DNAH11: variants seen among roughly 807,000 people sequenced by gnomAD.
DNAH11 encodes axonemal beta dynein heavy chain 11.
DNAH11 carries 442 observed loss-of-function variants against 526.0 expected under a neutral mutation model. The observed-to-expected ratio is 0.84, with a 90% CI of 0.78 to 0.91. The LOEUF (loss-of-function observed/expected upper bound fraction) is 0.91. DNAH11 is among the 40% of genes least tolerant of loss of function. The probability of loss-of-function intolerance (pLI) is 0.00; values close to 1 mark genes in which losing one functional copy is unlikely to be tolerated. For missense variants in DNAH11, 6,989 were observed against 5,448.7 expected (o/e 1.28, Z -8.90); for synonymous variants, 2,461 against 1,935.9 (o/e 1.27, Z -7.12).
At chr7:21,669,667 G>A (rs1341031526) in intron 30 of DNAH11, among the ~76,000 whole-genome samples, 1 of 151,784 alleles carries the variant, frequency 6.6e-6, no homozygotes, top group African/African-American at 2.4e-5. Flanking sequence ...TTGTGTGTGT[G>A]TGTGTGTGTG....
chr7:21,788,888 A>G (rs1390526730), intron 60 of DNAH11, among the ~76,000 whole-genome samples: 3 of 152,226 alleles, frequency 2.0e-5, no homozygotes, highest in Non-Finnish European at 4.4e-5. Flanking sequence ...ATTTTATGCA[A>G]GTACTTGTAA....
intron 70 of DNAH11, 82 bp from the exon 71 acceptor site, chr7:21,866,388 A>G: frequency 1.5e-6 from 2 of 1,355,534 alleles, no homozygotes; most frequent in African/African-American, 1.5e-5. Flanking sequence ...TTTACATAAG[A>G]TTAGATACAT....
intron 24 of DNAH11, 44 bp downstream of exon 24, chr7:21,619,266 G>T: frequency 6.3e-7 from 1 of 1,590,146 alleles, no homozygotes; most frequent in Non-Finnish European, 8.6e-7. Flanking sequence ...GCTAATTTTG[G>T]GTATTTGCAT....
chr7:21,543,506 G>A lies in DNAH11; in HGVS notation c.261G>A (p.Arg87=), dbSNP rs556570369. ...WSQYLESEDN[R]QVLGEFLEST... is the part of the protein sequence containing the mutation. ...AGTATTTGGAAAGCGAGGACAACCG[G>A]CAGGTTCTTGGGGAGTTTCTGGAAA... Residue 87 remains arginine (R), a synonymous_variant, in exon 1 of 82, where the codon CGG becomes CGA. Coordinates refer to ENST00000409508, the MANE Select transcript of DNAH11 (RefSeq NM_001277115.2). 6.2e-7 allele frequency: 1 copy of A among 1,608,670 alleles called. No individual in the cohort carries two copies. The highest frequency in any genetic ancestry group is 1.3e-5 in the African/African-American group (1 of 75,018).
chr7:21,650,643 TA>T (rs777192323), intron 28 of DNAH11, among the ~76,000 whole-genome samples: 60 of 148,994 alleles, frequency 4.0e-4, no homozygotes, highest in African/African-American at 1.3e-3. Flanking sequence ...ATTTTATTAT[TA>T]TTTTTTTCTT....
chr7:21,636,199 C>T, intron 26 of DNAH11, 104 bp downstream of exon 26: 1 of 940,590 alleles, frequency 1.1e-6, no homozygotes, highest in Non-Finnish European at 1.6e-6. Flanking sequence ...CATGAGTAAG[C>T]AGGAGTCAGG....
intron 1 of DNAH11, 96 bp downstream of exon 1, chr7:21,543,692 C>G: frequency 1.4e-6 from 2 of 1,380,362 alleles, no homozygotes; most frequent in Non-Finnish European, 1.9e-6. Flanking sequence ...GGGGCGCTCA[C>G]TCGGGCACTT....
At chr7:21,829,884 G>T (rs1790472235) in intron 65 of DNAH11, among the ~76,000 whole-genome samples, 1 of 152,194 alleles carries the variant, frequency 6.6e-6, no homozygotes, top group Non-Finnish European at 1.5e-5. Flanking sequence ...AACAGTGTTT[G>T]AATTGTTCTG....
chr7:21,601,800 G>A (rs73682648), intron 18 of DNAH11, among the ~76,000 whole-genome samples, 182 bp downstream of exon 18: 184 of 151,894 alleles, frequency 1.2e-3, no homozygotes, highest in African/African-American at 4.1e-3. Flanking sequence ...TCAAGGTCAT[G>A]CAAATAGTAA....
Position 21,591,278 on chromosome 7 carries a change from A to C in DNAH11, c.2368A>C (p.Arg790=). Residue 790 remains arginine, a synonymous_variant, in exon 14 of 82, where the codon AGG becomes CGG. Coordinates refer to ENST00000409508, the MANE Select transcript of DNAH11 (RefSeq NM_001277115.2). Reference sequence around the variant, plus strand: ...ATACCCTCTGATTGAAGATGAGCTGAGGGCTATTGACGAGCAGCTGACAGC... The same window carrying C: ...ATACCCTCTGATTGAAGATGAGCTGCGGGCTATTGACGAGCAGCTGACAGC... ...VEYPLIEDEL[R]AIDEQLTAAT... is the part of the protein sequence containing the mutation. 1 of 1,612,660 alleles carries C rather than the reference A, an allele frequency of 6.2e-7. No individual in the cohort carries two copies. The highest frequency in any genetic ancestry group is 1.7e-4 in the Middle Eastern group (1 of 6,050).
intron 76 of DNAH11, among the ~76,000 whole-genome samples, chr7:21,889,763 C>G (rs76695630): frequency 3.9e-5 from 6 of 152,146 alleles, no homozygotes; most frequent in African/African-American, 1.4e-4. Flanking sequence ...TCAGACAAAC[C>G]TCCTCCAAAG....
intron 25 of DNAH11, among the ~76,000 whole-genome samples, chr7:21,623,893 C>T (rs1010537491): frequency 3.3e-5 from 5 of 151,582 alleles, no homozygotes; most frequent in Admixed American, 3.3e-4. Flanking sequence ...TGCAGCACAC[C>T]AGCATGGCAC....
At chr7:21,680,702 A>G (rs1274996895) in intron 30 of DNAH11, among the ~76,000 whole-genome samples, 2 of 152,190 alleles carry the variant, frequency 1.3e-5, no homozygotes, top group African/African-American at 4.8e-5. Context: ...AGTTTGAAAA[A>G]TATTTATCTA....
At chr7:21,544,421 C>G (rs549922321) in intron 1 of DNAH11, among the ~76,000 whole-genome samples, 2 of 152,214 alleles carry the variant, frequency 1.3e-5, no homozygotes, top group African/African-American at 4.8e-5. Context: ...TGTTTTAGGA[C>G]TCTCCTAATT....
intron 62 of DNAH11, among the ~76,000 whole-genome samples, chr7:21,807,327 C>T (rs1365207081): frequency 2.0e-5 from 3 of 151,986 alleles, no homozygotes; most frequent in Non-Finnish European, 2.9e-5. Flanking sequence ...GGTGAAGCCC[C>T]GTCTCTACAA....
chr7:21,591,515 TTGTTTACAAAAAAATACAAGTTAATC>T lies in DNAH11; in HGVS notation c.2606_2631del (p.Leu869SerfsTer15). 1 of 1,599,820 alleles carries T rather than the reference TTGTTTACAAAAAAATACAAGTTAATC, an allele frequency of 6.3e-7. No homozygotes were observed. Among genetic ancestry groups the T allele is most frequent in the Non-Finnish European group, 8.5e-7 (1 of 1,170,190 alleles). The stretch of plus-strand genomic sequence containing the variant: ...CTTCACCTTGGAGGACAAGGGTGAT[TTGTTTACAAAAAAATACAAGTTAATC>T]CAAGGAGATGGCTGCAAGATCCACA... On this transcript the variant is annotated frameshift_variant, in exon 14 of 82. Coordinates refer to ENST00000409508, the MANE Select transcript of DNAH11 (RefSeq NM_001277115.2). LOFTEE classifies it high-confidence loss of function.
chr7:21,696,843 G>A (rs1208509513), intron 35 of DNAH11, among the ~76,000 whole-genome samples: 1 of 152,152 alleles, frequency 6.6e-6, no homozygotes, highest in Admixed American at 6.5e-5. Context: ...AAGTGAGAGA[G>A]TGCATAAAAA....
chr7:21,848,704 C>A (rs1430308543), intron 66 of DNAH11, among the ~76,000 whole-genome samples: 2 of 151,380 alleles, frequency 1.3e-5, no homozygotes, highest in South Asian at 2.1e-4. Context: ...AATAATTTTT[C>A]TTTTCCTTCT....
At chr7:21,618,649 T>G (rs1785898697) in intron 23 of DNAH11, among the ~76,000 whole-genome samples, 1 of 152,160 alleles carries the variant, frequency 6.6e-6, no homozygotes, top group African/African-American at 2.4e-5. Flanking sequence ...GAACTGAGAT[T>G]AAATTAGTGA....
Sources: gnomAD v4.1 joint callset for allele counts (sites outside exome capture counted in the v4.1 genomes callset) on GRCh38, gnomAD v4.1.1 for gene constraint, MANE v1.5 for transcripts, NCBI Gene and HGNC (gene_info 2026-07-23, HGNC 2026-07-21) for gene names.